The following PDSS1 variants were observed in gnomAD, a reference collection of about 807,000 sequenced individuals.
PDSS1 encodes the protein all trans-polyprenyl-diphosphate synthase PDSS1.
A neutral mutation model predicts 57.5 loss-of-function variants in PDSS1; 43 were observed. The ratio of observed to expected loss-of-function variants is 0.75; its 90% confidence interval spans 0.59 to 0.96. The LOEUF is 0.96. PDSS1 is among the 50% of genes least tolerant of loss of function. The probability of loss-of-function intolerance (pLI) is 0.00; values close to 1 mark genes in which losing one functional copy is unlikely to be tolerated. For missense variants in PDSS1, 438 were observed against 527.8 expected, an observed-to-expected ratio of 0.83 and a Z score of 1.67; for synonymous variants, 175 against 191.3, an observed-to-expected ratio of 0.91 and a Z score of 0.70.
At chr10:26,698,984 G>A (rs138061109) in intron 1 of PDSS1, among the ~76,000 whole-genome samples, 154 of 152,274 alleles carry the variant, frequency 1.0e-3, no homozygotes, top group African/African-American at 3.5e-3. Flanking sequence ...AATTCACCAG[G>A]TGGGGTGGTG....
chr10:26,707,473 A>G (rs970322054), intron 4 of PDSS1, among the ~76,000 whole-genome samples: 1 of 151,996 alleles, frequency 6.6e-6, no homozygotes, highest in African/African-American at 2.4e-5. Flanking sequence ...TGCCCTGCTC[A>G]TGCCTGACTA....
At chr10:26,732,747 A>C (rs1260714308) in intron 8 of PDSS1, among the ~76,000 whole-genome samples, 1 of 152,232 alleles carries the variant, frequency 6.6e-6, no homozygotes, top group African/African-American at 2.4e-5. Context: ...TATTTGTGGG[A>C]TATTGTGAGG....
chr10:26,724,432 TTC>T (rs1835887848), intron 8 of PDSS1, among the ~76,000 whole-genome samples: 1 of 152,014 alleles, frequency 6.6e-6, no homozygotes, highest in South Asian at 2.1e-4. Context: ...TTATCATAAT[TTC>T]TCTAATGATT....
chr10:26,706,338 A>C (rs144931842), intron 4 of PDSS1, among the ~76,000 whole-genome samples: 58 of 152,272 alleles, frequency 3.8e-4, no homozygotes, highest in African/African-American at 1.4e-3. Context: ...AGAGGACACC[A>C]CTTCCTGTTT....
intron 10 of PDSS1, among the ~76,000 whole-genome samples, chr10:26,739,698 G>A (rs564374223): frequency 1.4e-4 from 22 of 152,278 alleles, no homozygotes; most frequent in Middle Eastern, 6.8e-3. Flanking sequence ...GTATTGGTAT[G>A]TGGTATTAAA....
chr10:26,736,991 A>C (rs1836429287), intron 10 of PDSS1, among the ~76,000 whole-genome samples: 1 of 152,234 alleles, frequency 6.6e-6, no homozygotes, highest in South Asian at 2.1e-4. Context: ...AGTAACCTAT[A>C]TAACTGCGAA....
Position 26,704,695 on chromosome 10 carries a change from G to A in PDSS1, c.181G>A (p.Val61Met). ...TTTATAGATACCCTATATTAATCTT[G>A]TGAAGCATTTAACATCTGCCTGTCC... The part of the protein sequence containing the change: ...DLSQIPYINL[V>M]KHLTSACPNV... Residue 61 changes from valine (V) to methionine (M), a missense_variant, in exon 3 of 12, where the codon GTG (valine) becomes ATG (methionine). Transcript: ENST00000376215. The A allele has an allele frequency of 7.0e-7, 1 of 1,430,088 alleles. No individual in the cohort carries two copies. Among genetic ancestry groups the A allele is most frequent in the South Asian group, 1.1e-5 (1 of 87,224 alleles). The allele number at this position is 1,430,088 out of a possible 1,614,324, so 88.6% of individuals were successfully genotyped here.
At chr10:26,715,175 C>G (rs544892356) in intron 5 of PDSS1, 3 of 152,292 alleles carry the variant, frequency 2.0e-5, no homozygotes, top group African/African-American at 7.2e-5. Context: ...TGTCCATAGT[C>G]ACTGTTAAAA....
At chr10:26,715,070 G>A (rs1024209645) in intron 5 of PDSS1, 1 of 152,224 alleles carries the variant, frequency 6.6e-6, no homozygotes, top group African/African-American at 2.4e-5. Context: ...GTGTCACTGA[G>A]CCAGCCACTG....
chr10:26,728,774 C>CT (rs33930147), intron 8 of PDSS1, among the ~76,000 whole-genome samples: 42,986 of 84,420 alleles, frequency 0.51, 12,821 homozygotes, highest in Admixed American at 0.54. Context: ...TATTCTGTAT[C>CT]TTTTTTTTTT....
At chr10:26,728,110 C>A (rs966493168) in intron 8 of PDSS1, among the ~76,000 whole-genome samples, 2 of 152,128 alleles carry the variant, frequency 1.3e-5, no homozygotes, top group African/African-American at 4.8e-5. Flanking sequence ...AATCCCAGCA[C>A]TTTGGAAGGC....
rs144001008 is a variant in PDSS1 at position 26,742,119 on chromosome 10, C to T, written c.1027-378C>T. Among the ~76,000 whole-genome samples the T allele has an allele frequency of 1.2e-4, 19 of 152,294 alleles. No individual in the cohort carries two copies. The East Asian group carries it at 2.5e-3, about 20-fold the overall frequency. On this transcript the variant is annotated intron_variant, in intron 10 of 11. Coordinates refer to ENST00000376215, the MANE Select transcript of PDSS1 (RefSeq NM_014317.5). Reference sequence around the variant, plus strand: ...CTCAAACTCCTGACCTCAGGTGATCCGCCCACCTCGGCCTCCCAGAGTGCT... The same window carrying T: ...CTCAAACTCCTGACCTCAGGTGATCTGCCCACCTCGGCCTCCCAGAGTGCT...
intron 10 of PDSS1, among the ~76,000 whole-genome samples, chr10:26,739,970 A>C (rs2132312290): frequency 6.6e-6 from 1 of 152,220 alleles, no homozygotes; most frequent in East Asian, 1.9e-4. Context: ...GTAAAACTCC[A>C]TCTCTACTAA....
chr10:26,725,884 T>G lies in PDSS1; in HGVS notation c.831+1761T>G, dbSNP rs73594400. ...TGTGACCAGAAGTTCAAGACCAACC[T>G]AGGCAACATAGCAAGATCCCCATCT... On this transcript the variant is annotated intron_variant, in intron 8 of 11. Coordinates refer to ENST00000376215, the MANE Select transcript of PDSS1 (RefSeq NM_014317.5). Among the ~76,000 whole-genome samples the G allele has an allele frequency of 4.8e-3, 732 of 152,254 alleles. 7 individuals are homozygous for G. Among genetic ancestry groups the G allele is most frequent in the African/African-American group, 0.016 (676 of 41,548 alleles).
chr10:26,734,116 G>A (rs923258581), intron 8 of PDSS1, among the ~76,000 whole-genome samples: 4 of 152,230 alleles, frequency 2.6e-5, no homozygotes, highest in Non-Finnish European at 5.9e-5. Context: ...TTGTACAGAT[G>A]AGCAAGAGAG....
chr10:26,701,056 G>A (rs1288556780), intron 1 of PDSS1, among the ~76,000 whole-genome samples: 4 of 152,190 alleles, frequency 2.6e-5, no homozygotes, highest in African/African-American at 9.7e-5. Flanking sequence ...ATGGAGATGA[G>A]GAGCTTCCTG....
At position 26,735,538 on chromosome 10, in the gene PDSS1, C is replaced by G; in HGVS notation, c.985C>G (p.Leu329Val). The G allele has an allele frequency of 6.2e-7, 1 of 1,613,936 alleles. No homozygotes were observed. Among genetic ancestry groups the G allele is most frequent in the African/African-American group, 1.3e-5 (1 of 75,032 alleles). ...CAAACCAACATCAGCTGATCTGAAG[C>G]TCGGGTTAGCCACTGGTCCTGTCCT... Reference protein sequence around the residue: ...MGKPTSADLKLGLATGPVLFA... With the variant: ...MGKPTSADLKVGLATGPVLFA... The change falls in exon 10 of 12, where the codon CTC becomes GTC. Residue 329 changes from leucine to valine, a missense_variant. Physicochemically the swap from Leu to Val is conservative, Grantham distance 32. Coordinates refer to ENST00000376215, the MANE Select transcript of PDSS1 (RefSeq NM_014317.5).
chr10:26,700,940 A>G (rs1316371092), intron 1 of PDSS1, among the ~76,000 whole-genome samples: 1 of 152,188 alleles, frequency 6.6e-6, no homozygotes, highest in African/African-American at 2.4e-5. Flanking sequence ...AGAAGAAGAA[A>G]GGAAGATGTA....
At chr10:26,710,802 G>C (rs1451185882) in intron 5 of PDSS1, among the ~76,000 whole-genome samples, 1 of 99,262 alleles carries the variant, frequency 1.0e-5, no homozygotes, top group African/African-American at 3.3e-5. Context: ...CCTGAGGGAG[G>C]GGGAGAGGAT....
Sources: gnomAD v4.1 joint callset for allele counts (sites outside exome capture counted in the v4.1 genomes callset) on GRCh38, gnomAD v4.1.1 for gene constraint, MANE v1.5 for transcripts, NCBI Gene and HGNC (gene_info 2026-07-23, HGNC 2026-07-21) for gene names.